Variants in INS observed in about 807,000 individuals in gnomAD.
INS encodes preproinsulin.
INS carries 6 observed loss-of-function variants against 10.5 expected under a neutral mutation model. That is an observed-to-expected ratio of 0.57 (90% CI 0.31 to 1.13). INS has a LOEUF of 1.13. INS is among the 50% of genes most tolerant of loss of function. The probability of loss-of-function intolerance (pLI) is 0.05; values close to 1 mark genes in which losing one functional copy is unlikely to be tolerated. For synonymous variants in INS, 71 were observed against 62.7 expected (o/e 1.13, Z -0.63); for missense variants, 109 against 138.6 (o/e 0.79, Z 1.07).
At chr11:2,160,129 C>A (rs1171335514) in intron 2 of INS, 132 bp from the exon 3 acceptor site, 5 of 965,324 alleles carry the variant, frequency 5.2e-6, no homozygotes, top group South Asian at 2.9e-5. Flanking sequence ...CATCTCCAGC[C>A]GGGCTGGACC....
At chr11:2,160,641 C>T in intron 2 of INS, 144 bp downstream of exon 2, 1 of 1,000,380 alleles carries the variant, frequency 1.0e-6, no homozygotes, top group East Asian at 2.6e-5. Flanking sequence ...TAGGACGTGA[C>T]CAAGAGAACT....
At chr11:2,160,083 C>T in intron 2 of INS, 86 bp from the exon 3 acceptor site, 1 of 1,372,200 alleles carries the variant, frequency 7.3e-7, no homozygotes, top group Non-Finnish European at 1.0e-6. Flanking sequence ...AGACACAGTG[C>T]CCGCCTGCCC....
At chr11:2,160,726 G>T in intron 2 of INS, 59 bp downstream of exon 2, 1 of 1,594,764 alleles carries the variant, frequency 6.3e-7, no homozygotes, top group East Asian at 2.3e-5. Context: ...CTGGGTGGGA[G>T]CGCCAGGAGC....
intron 2 of INS, 133 bp downstream of exon 2, chr11:2,160,652 T>G (rs1845867866): frequency 2.7e-6 from 3 of 1,111,732 alleles, no homozygotes; most frequent in Admixed American, 4.8e-5. Context: ...CAAGAGAACT[T>G]CTTTTTAAAA....
chr11:2,160,063 ACAGT>A, intron 2 of INS, 66 bp from the exon 3 acceptor site: 1 of 1,505,134 alleles, frequency 6.6e-7, no homozygotes, highest in Non-Finnish European at 8.9e-7. Context: ...ACAGGAGGAC[ACAGT>A]CAGGGAGACA....
chr11:2,161,056 C>T (rs963484159), intron 1 of INS, 68 bp from the exon 2 acceptor site: 89 of 1,532,434 alleles, frequency 5.8e-5, no homozygotes, highest in Non-Finnish European at 7.3e-5. Flanking sequence ...CTGGGCTCAC[C>T]CCCACATGCT....
intron 2 of INS, among the ~76,000 whole-genome samples, chr11:2,160,278 C>T (rs1845855639): frequency 6.6e-6 from 1 of 152,210 alleles, no homozygotes; most frequent in Non-Finnish European, 1.5e-5. Flanking sequence ...TCCCCAGGGC[C>T]TGTCCCCAGC....
chr11:2,160,992 G>GGT lies in INS; in HGVS notation c.-17-5_-17-4insAC. The GGT allele has an allele frequency of 6.2e-7, 1 of 1,611,294 alleles. No homozygotes were observed. On this transcript the variant is annotated splice_region_variant and splice_polypyrimidine_tract_variant and intron_variant, in intron 1 of 2. Transcript: ENST00000381330. Reference sequence around the variant, plus strand: ...GCCATGGCAGAAGGACAGTGATCTGGGAGACAGGCAGGGCTGAGGCAGGCT... The same window carrying GGT: ...GCCATGGCAGAAGGACAGTGATCTGGGTGAGACAGGCAGGGCTGAGGCAGGCT...
In INS at chr11:2,159,816, G is replaced by A. The variant is rs755609237; in HGVS notation, c.*36C>T. The A allele has an allele frequency of 1.9e-6, 3 of 1,606,558 alleles. No homozygotes were observed. The highest frequency in any genetic ancestry group is 2.5e-6 in the Non-Finnish European group (3 of 1,177,072). ...GCTTTATTCCATCTCTCTCGGTGCA[G>A]GAGGCGGCGGGTGTGGGGCTGCCTG... is the stretch of plus-strand genomic sequence containing the variant. On this transcript the variant is annotated 3_prime_UTR_variant, in exon 3 of 3. Transcript: ENST00000381330.
Position 2,161,165 on chromosome 11 carries a change from G to C in INS, c.-18+3C>G, listed in dbSNP as rs886048112. The C allele has an allele frequency of 8.3e-6, 6 of 722,614 alleles. No homozygotes were observed. The highest frequency in any genetic ancestry group is 1.3e-5 in the Non-Finnish European group (6 of 453,844). 44.8% of individuals were successfully genotyped at this position (722,614 alleles called of 1,614,324 possible). A position where few individuals can be genotyped will look rare whatever the true frequency, so the allele number is the denominator to read the frequency against. On this transcript the variant is annotated splice_donor_region_variant and intron_variant, in intron 1 of 2. Transcript: ENST00000381330. ...ACCTGACGCAAAGGCCCTTGGAACA[G>C]ACCTGCTTGATGGCCTCTTCTGATG...
At chr11:2,160,080 G>A in intron 2 of INS, 83 bp from the exon 3 acceptor site, 1 of 1,422,122 alleles carries the variant, frequency 7.0e-7, no homozygotes, top group East Asian at 2.5e-5. Context: ...GGGAGACACA[G>A]TGCCCGCCTG....
At chr11:2,160,191 G>T (rs938009218) in intron 2 of INS, among the ~76,000 whole-genome samples, 194 bp from the exon 3 acceptor site, 2 of 152,144 alleles carry the variant, frequency 1.3e-5, no homozygotes, top group African/African-American at 4.8e-5. Flanking sequence ...AGGCCCCAAC[G>T]CCCACATGTC....
In INS at chr11:2,159,849, C is replaced by A; in HGVS notation, c.*3G>T. The A allele has an allele frequency of 6.2e-7, 1 of 1,611,020 alleles. No homozygotes were observed. The highest frequency in any genetic ancestry group is 8.5e-7 in the Non-Finnish European group (1 of 1,179,302). ...CGGGTGTGGGGCTGCCTGCGGGCTG[C>A]GTCTAGTTGCAGTAGTTCTCCAGCT... On this transcript the variant is annotated 3_prime_UTR_variant, in exon 3 of 3. Transcript: ENST00000381330.
Position 2,160,936 on chromosome 11 carries a change from C to T in INS, c.36G>A (p.Ala12=), listed in dbSNP as rs3842744. The T allele has an allele frequency of 2.5e-3, 4,076 of 1,612,564 alleles. 97 individuals are homozygous for T. In the African/African-American group the frequency reaches 0.043, roughly 17 times the overall value. Residue 12 remains alanine (A), a synonymous_variant, in exon 2 of 3, where the codon GCG becomes GCA. Transcript: ENST00000381330. ...GGTCAGGTCCCCAGAGGGCCAGCAG[C>T]GCCAGCAGGGGCAGGAGGCGCATCC... ...ALWMRLLPLL[A]LLALWGPDPA... is the part of the protein sequence containing the mutation.
At chr11:2,160,563 G>C (rs533591766) in intron 2 of INS, among the ~76,000 whole-genome samples, 2 of 152,310 alleles carry the variant, frequency 1.3e-5, no homozygotes, top group South Asian at 2.1e-4. Context: ...GATGTATCTC[G>C]GGGCTGCCGA....
intron 2 of INS, 78 bp from the exon 3 acceptor site, chr11:2,160,075 A>C: frequency 6.9e-7 from 1 of 1,453,856 alleles, no homozygotes; most frequent in South Asian, 1.2e-5. Flanking sequence ...AGTCAGGGAG[A>C]CACAGTGCCC....
chr11:2,160,003 A>G lies in INS; in HGVS notation c.188-6T>C, dbSNP rs776064622. 2 of 1,579,082 alleles carry G rather than the reference A, an allele frequency of 1.3e-6. No homozygotes were observed. Among genetic ancestry groups the G allele is most frequent in the East Asian group, 2.3e-5 (1 of 43,744 alleles). On this transcript the variant is annotated splice_region_variant and splice_polypyrimidine_tract_variant and intron_variant, in intron 2 of 2. Coordinates refer to ENST00000381330, the MANE Select transcript of INS (RefSeq NM_000207.3). ...GCCCAGCTCCACCTGCCCCACTGCC[A>G]GGACGTGCCGCGCAGAGCAGGTTCC...
Position 2,160,950 on chromosome 11 carries a change from G to A in INS, c.22C>T (p.Leu8=), listed in dbSNP as rs1257847180. 1.2e-6 allele frequency: 2 copies of A among 1,612,542 alleles called. No homozygotes were observed. Among genetic ancestry groups the A allele is most frequent in the Admixed American group, 1.7e-5 (1 of 60,006 alleles). MALWMRL[L]PLLALLALWG... ...AGGGCCAGCAGCGCCAGCAGGGGCAGGAGGCGCATCCACAGGGCCATGGCA... is the reference window on the plus strand; with the variant it reads ...AGGGCCAGCAGCGCCAGCAGGGGCAAGAGGCGCATCCACAGGGCCATGGCA... Residue 8 remains leucine (L), a synonymous_variant, in exon 2 of 3, where the codon CTG becomes TTG. Coordinates refer to ENST00000381330, the MANE Select transcript of INS (RefSeq NM_000207.3).
chr11:2,159,820 GC>G lies in INS; in HGVS notation c.*31del. On this transcript the variant is annotated 3_prime_UTR_variant, in exon 3 of 3. Coordinates refer to ENST00000381330, the MANE Select transcript of INS (RefSeq NM_000207.3). ...TATTCCATCTCTCTCGGTGCAGGAG[GC>G]GGCGGGTGTGGGGCTGCCTGCGGGC... 6.2e-7 allele frequency: 1 copy of G among 1,607,466 alleles called. No homozygotes were observed. The highest frequency in any genetic ancestry group is 8.5e-7 in the Non-Finnish European group (1 of 1,177,588).
Sources: allele counts gnomAD v4.1 joint callset (sites outside exome capture counted in the v4.1 genomes callset), GRCh38; gene constraint gnomAD v4.1.1; transcripts MANE v1.5; gene names NCBI Gene and HGNC (gene_info 2026-07-23, HGNC 2026-07-21).